Variants in NPRL3 observed in about 807,000 individuals in gnomAD.
NPRL3 encodes the protein NPR3 like, GATOR1 complex subunit, also known as GATOR1 complex protein NPRL3.
Under a neutral mutation model 57.2 loss-of-function variants are expected in NPRL3, and 23 were observed. The ratio of observed to expected loss-of-function variants is 0.40; its 90% CI spans 0.29 to 0.57. NPRL3 has a LOEUF of 0.57. Among genes scored for constraint, NPRL3 ranks in the 20% least tolerant of loss-of-function variants. The probability of loss-of-function intolerance (pLI) is 0.42; values close to 1 mark genes in which losing one functional copy is unlikely to be tolerated. For missense variants in NPRL3, 691 were observed against 767.1 expected (o/e 0.90, Z 1.17); for synonymous variants, 333 against 321.1 (o/e 1.04, Z -0.39).
At chr16:108,966 G>A (rs1018288900) in intron 7 of NPRL3, among the ~76,000 whole-genome samples, 7 of 151,828 alleles carry the variant, frequency 4.6e-5, no homozygotes, top group Non-Finnish European at 1.0e-4. Flanking sequence ...CACCGCGCCC[G>A]GCCTTTTTTT....
At chr16:98,115 T>C (rs750933514) in intron 9 of NPRL3, 30 bp downstream of exon 9, 3 of 1,604,488 alleles carry the variant, frequency 1.9e-6, no homozygotes, top group South Asian at 1.1e-5. Flanking sequence ...CACCGCCACA[T>C]GCCACCCATC....
At chr16:112,878 A>G in intron 5 of NPRL3, 103 bp from the exon 6 acceptor site, 1 of 1,134,726 alleles carries the variant, frequency 8.8e-7, no homozygotes, top group Non-Finnish European at 1.2e-6. Flanking sequence ...AACTCAAACC[A>G]TGAAAGAAAG....
intron 3 of NPRL3, among the ~76,000 whole-genome samples, chr16:122,714 C>G (rs1900334766): frequency 6.6e-6 from 1 of 152,200 alleles, no homozygotes; most frequent in South Asian, 2.1e-4. Context: ...GACCTTCTAT[C>G]ACTGCCGAGC....
chr16:85,842 G>C lies in NPRL3; in HGVS notation c.*863C>G. ...AAACCGAATAAATGTTTTATTTCTA[G>C]AAAACTGTGCCTTAGCCAGAGCTCC... On this transcript the variant is annotated 3_prime_UTR_variant, in exon 14 of 14. Transcript: ENST00000611875. The C allele has an allele frequency of 7.1e-7, 1 of 1,407,058 alleles. No individual in the cohort carries two copies. Among genetic ancestry groups the C allele is most frequent in the Non-Finnish European group, 9.3e-7 (1 of 1,077,814 alleles). 87.2% of individuals were successfully genotyped at this position (1,407,058 alleles called of 1,614,324 possible).
intron 3 of NPRL3, chr16:126,208 A>G (rs974725309): frequency 1.3e-5 from 2 of 151,770 alleles, no homozygotes. Flanking sequence ...CATGTTGACC[A>G]AGCTGAGTTC....
In NPRL3 at chr16:89,855, G is replaced by A. The variant is rs772878095; in HGVS notation, c.1209C>T (p.Leu403=). ...MVVWMLQRRL[L]IQLHTYVCLM... is the part of the protein sequence containing the mutation. ...GGCAGACATAGGTGTGCAGCTGGATGAGAAGCCGGCGCTGCAGCATCCACA... is the reference window on the plus strand; with the variant it reads ...GGCAGACATAGGTGTGCAGCTGGATAAGAAGCCGGCGCTGCAGCATCCACA... The change falls in exon 12 of 14, where the codon CTC becomes CTT. Residue 403 remains leucine (L), a synonymous_variant. Transcript: ENST00000611875. The A allele has an allele frequency of 5.1e-6, 8 of 1,569,458 alleles. No individual in the cohort carries two copies. Among genetic ancestry groups the A allele is most frequent in the South Asian group, 1.2e-5 (1 of 85,198 alleles).
intron 2 of NPRL3, 63 bp from the exon 3 acceptor site, chr16:130,654 T>C: frequency 6.8e-7 from 1 of 1,480,362 alleles, no homozygotes; most frequent in Non-Finnish European, 9.2e-7. Flanking sequence ...CACAGGAGGG[T>C]TATGGAACCG....
Position 110,386 on chromosome 16 carries a change from A to C in NPRL3, c.629+139T>G, listed in dbSNP as rs947507522. On this transcript the variant is annotated intron_variant, in intron 7 of 13. Transcript: ENST00000611875. ...TCCCTTCCCAGTCCTCTCCGGCCCT[A>C]ACCTCAGGGAACCCTGATGCTCACA... is the stretch of plus-strand genomic sequence containing the variant. 2.1e-5 allele frequency: 12 copies of C among 581,396 alleles called. No individual in the cohort carries two copies. In the Admixed American group the frequency reaches 2.5e-4, roughly 12 times the overall value. The allele number at this position is 581,396 out of a possible 1,614,324, so 36.0% of individuals were successfully genotyped here. A position where few individuals can be genotyped will look rare whatever the true frequency, so the allele number is the denominator to read the frequency against.
At chr16:89,304 GC>G (rs1171020592) in intron 12 of NPRL3, 5 of 263,132 alleles carry the variant, frequency 1.9e-5, no homozygotes, top group Non-Finnish European at 3.6e-5. Context: ...CCTTCCCCAA[GC>G]CTGGGGACCG....
Position 112,606 on chromosome 16 carries a change from G to T in NPRL3, c.547+16C>A, listed in dbSNP as rs373390759. 4.6e-6 allele frequency: 7 copies of T among 1,534,660 alleles called. No individual in the cohort carries two copies. In the African/African-American group the frequency reaches 6.8e-5, roughly 15 times the overall value. On this transcript the variant is annotated intron_variant, in intron 6 of 13. Coordinates refer to ENST00000611875, the MANE Select transcript of NPRL3 (RefSeq NM_001077350.3). ...GCCAGCCCAGACCCATGCCCATCAC[G>T]CCCTGCTGCACTCACCATCAGCCAT...
At position 138,132 on chromosome 16, in the gene NPRL3, C is replaced by G. The variant is rs906771471; in HGVS notation, c.118+18G>C. ...GCGGCCCCCGCGAGCGCCAGGCCCCCGCCCAGCGCTCACTTACTTGTCTGG... is the reference window on the plus strand; with the variant it reads ...GCGGCCCCCGCGAGCGCCAGGCCCCGGCCCAGCGCTCACTTACTTGTCTGG... On this transcript the variant is annotated intron_variant, in intron 2 of 13. Coordinates refer to ENST00000611875, the MANE Select transcript of NPRL3 (RefSeq NM_001077350.3). The G allele has an allele frequency of 3.2e-6, 5 of 1,565,282 alleles. No individual in the cohort carries two copies. Among genetic ancestry groups the G allele is most frequent in the Non-Finnish European group, 4.3e-6 (5 of 1,151,796 alleles).
chr16:130,621 T>A, intron 2 of NPRL3, 30 bp from the exon 3 acceptor site: 1 of 1,549,558 alleles, frequency 6.5e-7, no homozygotes, highest in Non-Finnish European at 8.7e-7. Flanking sequence ...GGGGAAGGGC[T>A]AAGAAAACAG....
At chr16:91,843 A>G (rs527326612) in intron 11 of NPRL3, among the ~76,000 whole-genome samples, 45 of 152,326 alleles carry the variant, frequency 3.0e-4, no homozygotes, top group African/African-American at 1.1e-3. Flanking sequence ...ACCGTATCCT[A>G]TCTGGCCCTG....
At chr16:93,406 C>T (rs1402509292) in intron 9 of NPRL3, 81 bp from the exon 10 acceptor site, 2 of 861,338 alleles carry the variant, frequency 2.3e-6, no homozygotes, top group East Asian at 2.6e-5. Context: ...GCCTGGGTGG[C>T]CATGGCCTAC....
intron 7 of NPRL3, 96 bp from the exon 8 acceptor site, chr16:100,605 T>C: frequency 8.3e-7 from 1 of 1,203,386 alleles, no homozygotes; most frequent in Non-Finnish European, 1.1e-6. Context: ...ATTCCCCTGC[T>C]GCTTAGGGGA....
chr16:97,285 C>T (rs1375521506), intron 9 of NPRL3, among the ~76,000 whole-genome samples: 1 of 151,828 alleles, frequency 6.6e-6, no homozygotes, highest in Non-Finnish European at 1.5e-5. Flanking sequence ...AACAGAGTCG[C>T]CCAGGCTGGA....
At chr16:109,105 A>ACTAC (rs889651124) in intron 7 of NPRL3, among the ~76,000 whole-genome samples, 18 of 151,874 alleles carry the variant, frequency 1.2e-4, no homozygotes, top group African/African-American at 4.4e-4. Context: ...AGTAGCTGAG[A>ACTAC]CTACACTTGT....
chr16:88,752 G>A lies in NPRL3; in HGVS notation c.1490C>T (p.Ala497Val). Residue 497 changes from alanine to valine, a missense_variant, in exon 13 of 14, where the codon GCC (alanine) becomes GTC (valine). Physicochemically the swap from Ala to Val is moderately conservative, Grantham distance 64. Coordinates refer to ENST00000611875, the MANE Select transcript of NPRL3 (RefSeq NM_001077350.3). ...CTGGGCTGCGGGTACACTGAGGATG[G>A]CTGCGCGTTCATGCTCCGACAGGCT... ...LASLSEHERA[A>V]ILSVPAAQNP... 6.2e-7 allele frequency: 1 copy of A among 1,613,680 alleles called. No homozygotes were observed. The highest frequency in any genetic ancestry group is 2.2e-5 in the East Asian group (1 of 44,874).
rs748692700 is a variant in NPRL3 at position 92,558 on chromosome 16, A to C, written c.1161+38T>G. ...GGCAGGTAGTGCCTATCCACTACAC[A>C]CCTGCCACTCTGGGCTCCTTGAGCT... is the stretch of plus-strand genomic sequence containing the variant. On this transcript the variant is annotated intron_variant, in intron 11 of 13. Transcript: ENST00000611875. The C allele has an allele frequency of 6.4e-4, 1,018 of 1,600,644 alleles. No individual in the cohort carries two copies. The highest frequency in any genetic ancestry group is 9.6e-4 in the Admixed American group (56 of 58,086).
Sources: gnomAD v4.1 joint callset for allele counts (sites outside exome capture counted in the v4.1 genomes callset) on GRCh38, gnomAD v4.1.1 for gene constraint, MANE v1.5 for transcripts, NCBI Gene and HGNC (gene_info 2026-07-23, HGNC 2026-07-21) for gene names.